LSAMP: variants seen among roughly 807,000 people sequenced by gnomAD.
The protein encoded by LSAMP is limbic system-associated membrane protein.
LSAMP carries 7 observed loss-of-function variants against 38.6 expected under a neutral mutation model. That is an observed-to-expected ratio of 0.18 (90% CI 0.10 to 0.34). The LOEUF (loss-of-function observed/expected upper bound fraction) is 0.34, where lower values mean the gene tolerates loss of function less well. LSAMP is among the 10% of genes least tolerant of loss of function. The pLI is 1.00. For synonymous variants in LSAMP, 154 were observed against 166.8 expected, an observed-to-expected ratio of 0.92 and a Z score of 0.59; for missense variants, 313 against 420.0, an observed-to-expected ratio of 0.75 and a Z score of 2.23.
intron 3 of LSAMP, among the ~76,000 whole-genome samples, chr3:115,854,985 T>C (rs6763835): frequency 0.65 from 99,458 of 152,026 alleles, 32,656 homozygotes; most frequent in Middle Eastern, 0.73. Flanking sequence ...GTATTTCTTC[T>C]CATACTGCAT....
intron 1 of LSAMP, among the ~76,000 whole-genome samples, chr3:116,404,162 T>A (rs1046134213): frequency 2.0e-5 from 3 of 152,192 alleles, no homozygotes; most frequent in Admixed American, 1.3e-4. Context: ...AATGTTACCA[T>A]GTATTTTTAG....
At chr3:115,832,168 A>C (rs1472304221) in intron 6 of LSAMP, among the ~76,000 whole-genome samples, 2 of 152,214 alleles carry the variant, frequency 1.3e-5, no homozygotes, top group Admixed American at 6.5e-5. Flanking sequence ...AGAGATATTA[A>C]TAATAAAGCA....
intron 2 of LSAMP, among the ~76,000 whole-genome samples, chr3:116,077,012 T>A (rs1252530203): frequency 6.6e-6 from 1 of 151,918 alleles, no homozygotes; most frequent in Admixed American, 6.6e-5. Flanking sequence ...ACCAAACTAT[T>A]GTTAGTATTC....
chr3:115,851,338 C>T (rs1935324955), intron 4 of LSAMP, among the ~76,000 whole-genome samples: 1 of 152,168 alleles, frequency 6.6e-6, no homozygotes, highest in African/African-American at 2.4e-5. Context: ...TCCTTATCTT[C>T]CTCCTGAGAG....
intron 1 of LSAMP, among the ~76,000 whole-genome samples, chr3:116,206,898 G>A (rs12634794): frequency 0.6 from 88,109 of 147,488 alleles, 26,948 homozygotes; most frequent in East Asian, 0.76. Flanking sequence ...GGGGTGGAGA[G>A]TTCTGTAGAT....
At chr3:116,339,942 T>G (rs2047970685) in intron 1 of LSAMP, among the ~76,000 whole-genome samples, 1 of 152,072 alleles carries the variant, frequency 6.6e-6, no homozygotes, top group African/African-American at 2.4e-5. Context: ...AGAAACAAGC[T>G]GTCTCCACTG....
intron 1 of LSAMP, among the ~76,000 whole-genome samples, chr3:116,336,560 A>G (rs1422174495): frequency 2.6e-5 from 4 of 151,990 alleles, no homozygotes; most frequent in Admixed American, 6.6e-5. Flanking sequence ...ATACCCTCTC[A>G]CACCCATTGT....
intron 1 of LSAMP, among the ~76,000 whole-genome samples, chr3:116,415,786 A>G (rs1219583128): frequency 2.0e-5 from 3 of 152,182 alleles, no homozygotes; most frequent in African/African-American, 7.2e-5. Context: ...GCCCTTGCAG[A>G]AAATGCAAAT....
At chr3:116,071,774 A>G (rs150239383) in intron 2 of LSAMP, among the ~76,000 whole-genome samples, 494 of 152,076 alleles carry the variant, frequency 3.2e-3, no homozygotes, top group African/African-American at 0.012. Flanking sequence ...AACAGGCCCC[A>G]GTGTGTGTTG....
chr3:116,391,168 G>A (rs2048688963), intron 1 of LSAMP, among the ~76,000 whole-genome samples: 1 of 152,158 alleles, frequency 6.6e-6, no homozygotes, highest in African/African-American at 2.4e-5. Context: ...AATGATTCCG[G>A]GGAAATCACT....
chr3:116,166,256 G>A (rs904101731), intron 1 of LSAMP, among the ~76,000 whole-genome samples: 1 of 152,188 alleles, frequency 6.6e-6, no homozygotes, highest in African/African-American at 2.4e-5. Context: ...CACTTGCCAT[G>A]TGCCAGGCAC....
At chr3:116,439,345 G>A (rs2049400530) in intron 1 of LSAMP, among the ~76,000 whole-genome samples, 3 of 144,186 alleles carry the variant, frequency 2.1e-5, no homozygotes, top group Admixed American at 1.4e-4. Flanking sequence ...GCAACTATGT[G>A]ATACTTAAGA....
At chr3:116,012,950 A>G (rs11922225) in intron 3 of LSAMP, among the ~76,000 whole-genome samples, 3,221 of 152,258 alleles carry the variant, frequency 0.021, 82 homozygotes, top group African/African-American at 0.061. Context: ...GGCAAAAAGT[A>G]TTTGAAGGAG....
At chr3:115,871,119 TA>T (rs1936020992) in intron 3 of LSAMP, among the ~76,000 whole-genome samples, 1 of 152,152 alleles carries the variant, frequency 6.6e-6, no homozygotes. Flanking sequence ...AGAATAGTAT[TA>T]TTCCAAATTC....
intron 1 of LSAMP, among the ~76,000 whole-genome samples, chr3:116,440,851 C>T (rs1377575116): frequency 6.6e-6 from 1 of 152,138 alleles, no homozygotes; most frequent in Non-Finnish European, 1.5e-5. Flanking sequence ...ACCCAGTAGG[C>T]CCATGCCCAC....
At chr3:116,263,716 CT>C (rs2046859920) in intron 1 of LSAMP, among the ~76,000 whole-genome samples, 1 of 151,768 alleles carries the variant, frequency 6.6e-6, no homozygotes, top group Admixed American at 6.6e-5. Flanking sequence ...GATAAATGAC[CT>C]TGCATTTGTA....
chr3:115,950,186 C>A (rs990279290), intron 3 of LSAMP, among the ~76,000 whole-genome samples: 3 of 152,088 alleles, frequency 2.0e-5, no homozygotes, highest in Non-Finnish European at 2.9e-5. Context: ...GATAAGGATG[C>A]CCACTTTCAC....
At chr3:115,926,313 T>C (rs1353694887) in intron 3 of LSAMP, among the ~76,000 whole-genome samples, 1 of 152,194 alleles carries the variant, frequency 6.6e-6, no homozygotes, top group Non-Finnish European at 1.5e-5. Flanking sequence ...TGCCTTCAAA[T>C]ACCTGAAAGA....
intron 6 of LSAMP, among the ~76,000 whole-genome samples, chr3:115,830,986 T>G (rs546030447): frequency 3.9e-4 from 59 of 152,296 alleles, no homozygotes; most frequent in African/African-American, 1.4e-3. Flanking sequence ...GCCTCGCTTG[T>G]TTGTGGTTTG....
Sources: gnomAD v4.1 joint callset for allele counts (sites outside exome capture counted in the v4.1 genomes callset) on GRCh38, gnomAD v4.1.1 for gene constraint, MANE v1.5 for transcripts, NCBI Gene and HGNC (gene_info 2026-07-23, HGNC 2026-07-21) for gene names.